The following PACRG variants were observed in gnomAD, a reference collection of about 807,000 sequenced individuals.
The protein encoded by PACRG is parkin coregulated.
A neutral mutation model predicts 29.7 loss-of-function variants in PACRG; 29 were observed. The ratio of observed to expected loss-of-function variants is 0.98; its 90% CI spans 0.73 to 1.33. PACRG has a LOEUF of 1.33. PACRG is among the 40% of genes most tolerant of loss of function. The probability of loss-of-function intolerance (pLI) is 0.00; values close to 1 mark genes in which losing one functional copy is unlikely to be tolerated. For missense variants in PACRG, 279 were observed against 316.2 expected (o/e 0.88, Z 0.89); for synonymous variants, 116 against 118.7 (o/e 0.98, Z 0.15).
intron 2 of PACRG, among the ~76,000 whole-genome samples, chr6:163,003,284 G>A (rs1444243939): frequency 2.6e-5 from 4 of 152,212 alleles, no homozygotes; most frequent in Non-Finnish European, 5.9e-5. Context: ...ATCTCTTGCT[G>A]ATTAATATGC....
At chr6:162,947,236 A>G (rs1799082462) in intron 2 of PACRG, among the ~76,000 whole-genome samples, 1 of 146,098 alleles carries the variant, frequency 6.8e-6, no homozygotes, top group Non-Finnish European at 1.5e-5. Context: ...TATATAATAT[A>G]GATATATAAA....
intron 2 of PACRG, among the ~76,000 whole-genome samples, chr6:162,834,625 AG>A (rs1789064406): frequency 6.6e-6 from 1 of 151,710 alleles, no homozygotes; most frequent in Non-Finnish European, 1.5e-5. Context: ...ATAATTGCAA[AG>A]GGTATCTAGT....
chr6:163,287,842 A>G (rs1562360216), intron 4 of PACRG, among the ~76,000 whole-genome samples: 1 of 152,204 alleles, frequency 6.6e-6, no homozygotes, highest in Non-Finnish European at 1.5e-5. Flanking sequence ...GACCGTGGCC[A>G]TGCTGAGGGT....
intron 1 of PACRG, among the ~76,000 whole-genome samples, chr6:162,787,191 T>C (rs1273169631): frequency 6.6e-6 from 1 of 152,116 alleles, no homozygotes; most frequent in Non-Finnish European, 1.5e-5. Flanking sequence ...CTACCAATTT[T>C]ATTAGGACTG....
chr6:163,299,837 C>T (rs1784919109), intron 4 of PACRG, among the ~76,000 whole-genome samples: 1 of 152,164 alleles, frequency 6.6e-6, no homozygotes, highest in African/African-American at 2.4e-5. Flanking sequence ...TGAGATGGCA[C>T]CACTACACTC....
chr6:162,792,296 G>A (rs1363844944), intron 1 of PACRG, among the ~76,000 whole-genome samples: 1 of 152,184 alleles, frequency 6.6e-6, no homozygotes, highest in Non-Finnish European at 1.5e-5. Context: ...GGGTCAGGCA[G>A]GAGGGCAGAA....
chr6:163,022,886 G>A (rs1358025985), intron 2 of PACRG, among the ~76,000 whole-genome samples: 2 of 152,196 alleles, frequency 1.3e-5, no homozygotes, highest in East Asian at 3.8e-4. Flanking sequence ...GCAGAAAGGA[G>A]CAATTTTTGT....
chr6:163,193,565 C>T (rs977435809), intron 4 of PACRG, among the ~76,000 whole-genome samples: 6 of 152,094 alleles, frequency 3.9e-5, no homozygotes, highest in African/African-American at 1.4e-4. Flanking sequence ...AACAGGGCGG[C>T]ATGGTGGCCT....
At chr6:163,239,626 C>A (rs1468340289) in intron 4 of PACRG, among the ~76,000 whole-genome samples, 2 of 151,510 alleles carry the variant, frequency 1.3e-5, no homozygotes, top group Non-Finnish European at 2.9e-5. Flanking sequence ...TTCATTGCCC[C>A]TCCTGCTCCC....
rs11969207 is a variant in PACRG, at chr6:162,747,453, A to T, written c.156+19062A>T. 7.4e-4 allele frequency among the ~76,000 whole-genome samples: 32 copies of T among 43,444 alleles called. 7 individuals carry two copies. Among genetic ancestry groups the T allele is most frequent in the African/African-American group, 1.2e-3 (12 of 9,756 alleles). 28.5% of individuals were successfully genotyped at this position (43,444 alleles called of 152,430 possible). A position where few individuals can be genotyped will look rare whatever the true frequency, so the allele number is the denominator to read the frequency against. On this transcript the variant is annotated intron_variant, in intron 1 of 4. Transcript: ENST00000366888. ...ATATGTAAAACTATATATATATATA[A>T]CTATAAATATATATGTAAAACTATA... is the stretch of plus-strand genomic sequence containing the variant.
At chr6:163,307,270 G>T (rs1256391686) in intron 4 of PACRG, among the ~76,000 whole-genome samples, 1 of 152,190 alleles carries the variant, frequency 6.6e-6, no homozygotes, top group Non-Finnish European at 1.5e-5. Context: ...GAAATATGAT[G>T]GCTTAGTAAC....
At chr6:162,861,299 C>G (rs972953413) in intron 2 of PACRG, among the ~76,000 whole-genome samples, 2 of 152,082 alleles carry the variant, frequency 1.3e-5, no homozygotes, top group Non-Finnish European at 2.9e-5. Context: ...GATATATATT[C>G]CCAGTTTTCA....
chr6:163,175,010 G>A (rs1779275357), intron 4 of PACRG, among the ~76,000 whole-genome samples: 1 of 152,178 alleles, frequency 6.6e-6, no homozygotes, highest in African/African-American at 2.4e-5. Flanking sequence ...TGGACTTTTT[G>A]TACAGGGCCA....
At chr6:162,805,790 C>G in intron 1 of PACRG, among the ~76,000 whole-genome samples, 1 of 152,180 alleles carries the variant, frequency 6.6e-6, no homozygotes. Flanking sequence ...AGAAGCAGCT[C>G]CTCATTAAAG....
chr6:163,165,850 T>C (rs1160581789), intron 4 of PACRG: 6 of 344,872 alleles, frequency 1.7e-5, no homozygotes, highest in Non-Finnish European at 3.4e-5. Flanking sequence ...TTTAGGACAG[T>C]GAAGATGAGA....
chr6:163,100,728 C>G lies in PACRG; in HGVS notation c.613+11320C>G, dbSNP rs558649018. The G allele has an allele frequency of 6.0e-5, 55 of 919,354 alleles. 1 individual carries two copies. The East Asian group carries it at 4.4e-3, about 73-fold the overall frequency. The allele number at this position is 919,354 out of a possible 1,614,324, so 56.9% of individuals were successfully genotyped here. On this transcript the variant is annotated intron_variant, in intron 4 of 4. Transcript: ENST00000366888. ...ATGAAATCAGCTTTCCATTTTATTG[C>G]CTTTCTTAAAAATCTGTAATTTTTA...
At chr6:163,187,031 C>A (rs1215587137) in intron 4 of PACRG, among the ~76,000 whole-genome samples, 1 of 152,196 alleles carries the variant, frequency 6.6e-6, no homozygotes, top group Non-Finnish European at 1.5e-5. Context: ...GAGGGAGACA[C>A]CCCCCGTCCT....
chr6:162,801,261 A>G (rs1562610895), intron 1 of PACRG, among the ~76,000 whole-genome samples: 1 of 152,052 alleles, frequency 6.6e-6, no homozygotes, highest in Non-Finnish European at 1.5e-5. Context: ...TGTGTGTACC[A>G]CCATGCCCGG....
At chr6:163,226,360 A>G (rs1268386664) in intron 4 of PACRG, among the ~76,000 whole-genome samples, 1 of 152,268 alleles carries the variant, frequency 6.6e-6, no homozygotes, top group Non-Finnish European at 1.5e-5. Flanking sequence ...TGTTCTCACC[A>G]CAAAAACATG....
Sources: allele counts gnomAD v4.1 joint callset (sites outside exome capture counted in the v4.1 genomes callset), GRCh38; gene constraint gnomAD v4.1.1; transcripts MANE v1.5; gene names NCBI Gene and HGNC (gene_info 2026-07-23, HGNC 2026-07-21).